Variants in INO80 observed in about 807,000 individuals in gnomAD.
INO80 encodes INO80 complex ATPase subunit, also known as chromatin-remodeling ATPase INO80.
In INO80, 20 loss-of-function variants were observed where a neutral mutation model predicts 203.4. The observed-to-expected ratio is 0.10, with a 90% confidence interval of 0.07 to 0.14. INO80 has a LOEUF of 0.14. Ranked by LOEUF, INO80 falls within the 10% of genes least tolerant of loss-of-function variation. The probability of loss-of-function intolerance (pLI) is 1.00; values close to 1 mark genes in which losing one functional copy is unlikely to be tolerated. For missense variants in INO80, 1,419 were observed against 1,914.4 expected (o/e 0.74, Z 4.83); for synonymous variants, 726 against 685.2 (o/e 1.06, Z -0.93).
chr15:41,093,202 G>T (rs1480327616), intron 4 of INO80, among the ~76,000 whole-genome samples: 3 of 151,758 alleles, frequency 2.0e-5, no homozygotes, highest in African/African-American at 7.2e-5. Context: ...TGAGGCGGGG[G>T]GATCACAAGG....
chr15:41,039,759 A>C (rs984930321), intron 24 of INO80, among the ~76,000 whole-genome samples: 1 of 152,236 alleles, frequency 6.6e-6, no homozygotes, highest in African/African-American at 2.4e-5. Context: ...TTTGAAAAAC[A>C]ATGTACAGCA....
intron 16 of INO80, among the ~76,000 whole-genome samples, chr15:41,057,794 T>A (rs1382532287): frequency 2.5e-5 from 1 of 40,234 alleles, no homozygotes; most frequent in African/African-American, 1.7e-4. Context: ...TGAAACTACA[T>A]CTCAAAAAAA....
Position 41,049,996 on chromosome 15 carries a change from G to C in INO80, c.2381C>G (p.Ser794Cys), listed in dbSNP as rs1390586162. 3.1e-6 allele frequency: 5 copies of C among 1,614,130 alleles called. No individual in the cohort carries two copies. Among genetic ancestry groups the C allele is most frequent in the Non-Finnish European group, 1.7e-6 (2 of 1,179,976 alleles). Reference sequence around the variant, plus strand: ...GGTGGTGTTCTGTGCTTGTTGGGTAGAGCCCATAGAAGACTGCAATAAATC... The same window carrying C: ...GGTGGTGTTCTGTGCTTGTTGGGTACAGCCCATAGAAGACTGCAATAAATC... ...IEDLLQSSMG[S>C]TQQAQNTTSS... The change falls in exon 20 of 36, where the codon TCT becomes TGT. Residue 794 changes from serine to cysteine, a missense_variant. By Grantham distance (112) the Ser-to-Cys change is moderately radical. Transcript: ENST00000648947.
intron 5 of INO80, 45 bp from the exon 6 acceptor site, chr15:41,087,727 G>T (rs1479864541): frequency 1.3e-6 from 2 of 1,561,876 alleles, no homozygotes; most frequent in African/African-American, 2.7e-5. Context: ...CTATAGTACA[G>T]CTTTCAAATT....
intron 1 of INO80, among the ~76,000 whole-genome samples, chr15:41,096,656 T>C (rs1374389934): frequency 6.6e-6 from 1 of 152,200 alleles, no homozygotes; most frequent in African/African-American, 2.4e-5. Context: ...CCTTTATCCC[T>C]TTCAATAAAA....
intron 14 of INO80, among the ~76,000 whole-genome samples, chr15:41,065,198 G>A (rs2045188148): frequency 6.6e-6 from 1 of 152,060 alleles, no homozygotes; most frequent in African/African-American, 2.4e-5. Context: ...AGCACCTTGG[G>A]AGGCAGAGGA....
At chr15:41,009,230 T>TG (rs1442667377) in intron 27 of INO80, among the ~76,000 whole-genome samples, 2 of 34,128 alleles carry the variant, frequency 5.9e-5, no homozygotes, top group East Asian at 7.0e-3. Context: ...CTTATACTGT[T>TG]CTTTTTTTTT....
chr15:40,991,993 G>T (rs1022386294), intron 29 of INO80, among the ~76,000 whole-genome samples: 1 of 152,284 alleles, frequency 6.6e-6, no homozygotes, highest in African/African-American at 2.4e-5. Context: ...AGCCAGGATG[G>T]TCTCGATCTC....
intron 16 of INO80, among the ~76,000 whole-genome samples, chr15:41,057,817 A>AAAAAAAAAAAAAAAAAAAAAAAAAAAAAC (rs1555403662): frequency 7.2e-6 from 1 of 138,562 alleles, no homozygotes; most frequent in African/African-American, 3.2e-5. Flanking sequence ...AAAAAAAAAA[A>AAAAAAAAAAAAAAAAAAAAAAAAAAAAAC]AAAGAAAGAA....
chr15:41,074,498 C>T lies in INO80; in HGVS notation c.1199G>A (p.Ser400Asn), dbSNP rs755811803. 6.2e-7 allele frequency: 1 copy of T among 1,613,908 alleles called. No homozygotes were observed. The highest frequency in any genetic ancestry group is 8.5e-7 in the Non-Finnish European group (1 of 1,179,950). The change falls in exon 10 of 36, where the codon AGT becomes AAT. Residue 400 changes from serine (S) to asparagine (N), a missense_variant. Around this residue, in one of 9 missense-constraint regions of INO80, gnomAD observed 116 missense variants for 119.5 expected, o/e 0.97. Coordinates refer to ENST00000648947, the MANE Select transcript of INO80 (RefSeq NM_017553.3). ...ATCATGACCCATATCTCGTTTGCGACTCATGAAATGGGCATACAACTCTGT... is the reference window on the plus strand; with the variant it reads ...ATCATGACCCATATCTCGTTTGCGATTCATGAAATGGGCATACAACTCTGT... Reference protein sequence around the residue: ...TQTELYAHFMSRKRDMGHDGI... With the variant: ...TQTELYAHFMNRKRDMGHDGI...
intron 1 of INO80, among the ~76,000 whole-genome samples, chr15:41,106,812 C>T (rs1030757294): frequency 3.3e-5 from 5 of 152,160 alleles, no homozygotes; most frequent in African/African-American, 1.2e-4. Flanking sequence ...CAACCTGAAT[C>T]CATTACCACA....
intron 17 of INO80, among the ~76,000 whole-genome samples, chr15:41,056,133 T>C (rs1370544812): frequency 1.3e-5 from 2 of 151,682 alleles, no homozygotes; most frequent in Non-Finnish European, 2.9e-5. Flanking sequence ...TTTTGTAGCG[T>C]CCGGGTTTCA....
At chr15:41,070,652 G>A in intron 12 of INO80, 105 bp from the exon 13 acceptor site, 1 of 918,176 alleles carries the variant, frequency 1.1e-6, no homozygotes, top group Non-Finnish European at 1.8e-6. Flanking sequence ...TTAAAGAGAA[G>A]TGACCAGAGA....
At chr15:41,115,383 T>A (rs555662435) in intron 1 of INO80, among the ~76,000 whole-genome samples, 1 of 152,306 alleles carries the variant, frequency 6.6e-6, no homozygotes, top group East Asian at 1.9e-4. Context: ...CTAGTCGCTA[T>A]GTAAAAACCT....
chr15:40,987,285 C>A lies in INO80; in HGVS notation c.3730-92G>T, dbSNP rs1484028963. The A allele has an allele frequency of 9.0e-5, 66 of 730,668 alleles. No homozygotes were observed. The East Asian group carries it at 1.5e-3, about 17-fold the overall frequency. 45.3% of individuals were successfully genotyped at this position (730,668 alleles called of 1,614,324 possible). On this transcript the variant is annotated intron_variant, in intron 30 of 35. Transcript: ENST00000648947. Reference sequence around the variant, plus strand: ...AGATACACATCGTTCTCAACCCACTCCTCAGGGGAGGCCTCTGGTTTCCTA... The same window carrying A: ...AGATACACATCGTTCTCAACCCACTACTCAGGGGAGGCCTCTGGTTTCCTA...
At chr15:41,021,725 A>G (rs1007506986) in intron 25 of INO80, among the ~76,000 whole-genome samples, 3 of 152,182 alleles carry the variant, frequency 2.0e-5, no homozygotes, top group African/African-American at 7.2e-5. Flanking sequence ...AGGGGAGGGT[A>G]GGGAAGCAAT....
intron 28 of INO80, among the ~76,000 whole-genome samples, chr15:41,002,549 A>G (rs1406880145): frequency 6.6e-6 from 1 of 152,220 alleles, no homozygotes; most frequent in Non-Finnish European, 1.5e-5. Flanking sequence ...CAGAAGCCCA[A>G]ATCACTAGAA....
intron 29 of INO80, among the ~76,000 whole-genome samples, chr15:40,988,260 G>A (rs192612520): frequency 2.6e-5 from 4 of 152,066 alleles, no homozygotes; most frequent in South Asian, 2.1e-4. Flanking sequence ...TAACATTAAC[G>A]GTTAACACTT....
In INO80 at chr15:41,053,113, A is replaced by AT. The variant is rs199821383; in HGVS notation, c.2274+815dup. On this transcript the variant is annotated intron_variant, in intron 19 of 35. Coordinates refer to ENST00000648947, the MANE Select transcript of INO80 (RefSeq NM_017553.3). ...ACCTTGCTTGTATCCTTATTCTGAC[A>AT]TTTTTTTTTTGAGACAGACATTCGC... Among the ~76,000 whole-genome samples, 900 of 149,500 alleles carry AT rather than the reference A, an allele frequency of 6.0e-3. 6 individuals carry two copies. The highest frequency in any genetic ancestry group is 0.011 in the Non-Finnish European group (735 of 67,160).
Sources: gnomAD v4.1 joint callset for allele counts (sites outside exome capture counted in the v4.1 genomes callset) on GRCh38, gnomAD v4.1.1 for gene constraint, gnomAD v4.1.1 regional missense constraint, MANE v1.5 for transcripts, NCBI Gene and HGNC (gene_info 2026-07-23, HGNC 2026-07-21) for gene names.